DMD: variants seen among roughly 807,000 people sequenced by gnomAD.
DMD encodes the protein dystrophin.
In DMD, 63 loss-of-function variants were observed where a neutral mutation model predicts 330.1. The observed-to-expected ratio is 0.19, with a 90% CI of 0.16 to 0.24. DMD has a LOEUF of 0.24. Among genes scored for constraint, DMD ranks in the 10% least tolerant of loss-of-function variants. The pLI is 1.00. For missense variants in DMD, 3,344 were observed against 2,684.1 expected (o/e 1.25, Z -5.43); for synonymous variants, 1,223 against 959.8 (o/e 1.27, Z -5.07).
chrX:31,734,656 G>C (rs995291482), intron 51 of DMD, among the ~76,000 whole-genome samples: 1 of 111,276 alleles, frequency 9.0e-6, no homozygotes, highest in African/African-American at 3.3e-5. Context: ...CATTGAGCTA[G>C]GTGCAGGGGC....
chrX:32,489,278 T>A (rs2042765356), intron 20 of DMD, among the ~76,000 whole-genome samples: 1 of 109,992 alleles, frequency 9.1e-6, no homozygotes, highest in African/African-American at 3.3e-5. Flanking sequence ...TTGGTGAGAC[T>A]ATTTGGTGAT....
intron 25 of DMD, among the ~76,000 whole-genome samples, chrX:32,463,008 G>A (rs2098389046): frequency 9.0e-6 from 1 of 111,372 alleles, no homozygotes; most frequent in Non-Finnish European, 1.9e-5. Flanking sequence ...GCCAAACTTG[G>A]AAATGTTAAT....
chrX:31,937,504 AT>A (rs1212375884), intron 45 of DMD, among the ~76,000 whole-genome samples: 2 of 111,390 alleles, frequency 1.8e-5, no homozygotes, highest in South Asian at 7.4e-4. Flanking sequence ...TCTTATCTAG[AT>A]TTTTTTTATA....
chrX:32,080,842 G>A (rs748665704), intron 44 of DMD, among the ~76,000 whole-genome samples: 2 of 112,044 alleles, frequency 1.8e-5, no homozygotes, highest in Non-Finnish European at 3.8e-5. Flanking sequence ...TAATGCAGGA[G>A]TAGTAAGGCT....
chrX:32,207,867 T>C (rs1303385107), intron 44 of DMD, among the ~76,000 whole-genome samples: 5 of 111,943 alleles, frequency 4.5e-5, no homozygotes, highest in Non-Finnish European at 9.4e-5. Flanking sequence ...AGTACACACA[T>C]TGTCCTTTTG....
intron 55 of DMD, among the ~76,000 whole-genome samples, chrX:31,623,177 C>T (rs1305602474): frequency 9.0e-6 from 1 of 111,346 alleles, no homozygotes; most frequent in Non-Finnish European, 1.9e-5. Context: ...ACTAATTGTG[C>T]TACTAAGATT....
At chrX:31,314,393 T>G (rs1569524413) in intron 62 of DMD, among the ~76,000 whole-genome samples, 1 of 112,065 alleles carries the variant, frequency 8.9e-6, no homozygotes, top group African/African-American at 3.2e-5. Flanking sequence ...AGTTAAAAAT[T>G]ACACATTGCA....
intron 54 of DMD, among the ~76,000 whole-genome samples, chrX:31,638,333 A>T (rs1044871118): frequency 1.8e-5 from 2 of 111,027 alleles, no homozygotes; most frequent in Non-Finnish European, 3.8e-5. Context: ...GCTTTTTATC[A>T]CCCATAAGTT....
In DMD at chrX:32,658,705, T is replaced by A. The variant is rs1202446054; in HGVS notation, c.961-13553A>T. On this transcript the variant is annotated intron_variant, in intron 9 of 78. Coordinates refer to ENST00000357033, the MANE Select transcript of DMD (RefSeq NM_004006.3). ...TTCCCACTCTATTGCATGTCCAAGC[T>A]AGCCATCTCTGAAATCTCACTGCCC... 3.6e-5 allele frequency among the ~76,000 whole-genome samples: 4 copies of A among 111,104 alleles called. No homozygotes were observed. The East Asian group carries it at 1.1e-3, about 32-fold the overall frequency.
intron 62 of DMD, among the ~76,000 whole-genome samples, chrX:31,304,230 G>A (rs2054860341): frequency 8.9e-6 from 1 of 111,799 alleles, no homozygotes; most frequent in South Asian, 3.7e-4. Flanking sequence ...CATTTATGCT[G>A]TGACAATGAT....
intron 51 of DMD, among the ~76,000 whole-genome samples, chrX:31,734,454 C>G (rs969404251): frequency 9.0e-6 from 1 of 111,234 alleles, no homozygotes; most frequent in African/African-American, 3.3e-5. Flanking sequence ...TTTTTATTTC[C>G]TGGTCTGGTC....
chrX:31,992,041 A>C (rs996349873), intron 44 of DMD, among the ~76,000 whole-genome samples: 1 of 111,820 alleles, frequency 8.9e-6, no homozygotes. Context: ...AACGCAGTGT[A>C]AGGAAGTGGA....
At chrX:32,816,399 G>A in intron 6 of DMD, 69 bp downstream of exon 6, 2 of 1,143,755 alleles carry the variant, frequency 1.7e-6, no homozygotes. Flanking sequence ...CCATACTGGG[G>A]AAAAATATGT....
intron 9 of DMD, among the ~76,000 whole-genome samples, chrX:32,689,961 A>G (rs758070330): frequency 1.0e-3 from 113 of 111,001 alleles, no homozygotes; most frequent in Non-Finnish European, 1.0e-3. Flanking sequence ...ACAACTGCGA[A>G]CTGAAAGGAT....
intron 1 of DMD, among the ~76,000 whole-genome samples, chrX:33,329,893 T>A (rs1034592578): frequency 3.6e-5 from 4 of 111,560 alleles, no homozygotes; most frequent in Non-Finnish European, 7.5e-5. Context: ...AACTTTTATA[T>A]ATTCGTGTTA....
At chrX:32,461,534 T>A (rs1415728358) in intron 25 of DMD, among the ~76,000 whole-genome samples, 1 of 111,395 alleles carries the variant, frequency 9.0e-6, no homozygotes, top group Non-Finnish European at 1.9e-5. Flanking sequence ...AACAACAAAT[T>A]CTTAGTACAT....
chrX:32,936,709 G>A (rs2090047581), intron 2 of DMD, among the ~76,000 whole-genome samples: 1 of 111,667 alleles, frequency 9.0e-6, no homozygotes, highest in Admixed American at 9.6e-5. Context: ...GAGGAGTCTG[G>A]GGATACTTCT....
At chrX:31,352,010 T>A (rs1390576331) in intron 60 of DMD, among the ~76,000 whole-genome samples, 1 of 110,973 alleles carries the variant, frequency 9.0e-6, no homozygotes, top group East Asian at 2.8e-4. Flanking sequence ...TCAGTCTGGG[T>A]CTTGCTCTTA....
rs188738534 is a variant in DMD at position 32,920,817 on chromosome X, A to T, written c.94-70997T>A. Among the ~76,000 whole-genome samples, 3 of 112,389 alleles carry T rather than the reference A, an allele frequency of 2.7e-5. No individual in the cohort carries two copies. In the Admixed American group the frequency reaches 2.8e-4, roughly 11 times the overall value. ...CAAAATAACATAATCACCCAATATA[A>T]TAAGTGTTATTGAAGAAATAAACAA... On this transcript the variant is annotated intron_variant, in intron 2 of 78. Transcript: ENST00000357033.
Sources: gnomAD v4.1 joint callset for allele counts (sites outside exome capture counted in the v4.1 genomes callset) on GRCh38, gnomAD v4.1.1 for gene constraint, MANE v1.5 for transcripts, NCBI Gene and HGNC (gene_info 2026-07-23, HGNC 2026-07-21) for gene names.